Variants in ABCB9 observed in about 807,000 individuals in gnomAD.
The protein encoded by ABCB9 is ABC-type oligopeptide transporter ABCB9.
ABCB9 carries 36 observed loss-of-function variants against 62.0 expected under a neutral mutation model. The ratio of observed to expected loss-of-function variants is 0.58; its 90% confidence interval spans 0.45 to 0.77. ABCB9 has a LOEUF of 0.77. Among genes scored for constraint, ABCB9 ranks in the 30% least tolerant of loss-of-function variants. The probability of loss-of-function intolerance (pLI) is 0.00; values close to 1 mark genes in which losing one functional copy is unlikely to be tolerated. For synonymous variants in ABCB9, 435 were observed against 461.4 expected (o/e 0.94, Z 0.73); for missense variants, 943 against 1,054.7 (o/e 0.89, Z 1.47).
At chr12:122,961,722 G>A (rs896734178) in intron 1 of ABCB9, among the ~76,000 whole-genome samples, 1 of 152,152 alleles carries the variant, frequency 6.6e-6, no homozygotes, top group Admixed American at 6.5e-5. Flanking sequence ...TCCATAGTGA[G>A]GACGAAGCTG....
At chr12:122,931,211 G>A (rs1321798551) in intron 11 of ABCB9, 1 of 152,134 alleles carries the variant, frequency 6.6e-6, no homozygotes, top group Non-Finnish European at 1.5e-5. Flanking sequence ...TTTTAGTAGA[G>A]ATGGAATTTC....
At position 122,959,971 on chromosome 12, in the gene ABCB9, C is replaced by A. The variant is rs756858128; in HGVS notation, c.265G>T (p.Val89Leu). Residue 89 changes from valine to leucine, a missense_variant, in exon 2 of 12, where the codon GTG becomes TTG. Val to Leu is a conservative substitution (Grantham distance 32, BLOSUM62 1). Coordinates refer to ENST00000280560, the MANE Select transcript of ABCB9 (RefSeq NM_019625.4). The surrounding 1 kb of genome is among the most constrained non-coding windows in gnomAD (Gnocchi z 5.4). ...GCATAGATGCCCACGAAGAGGCACA[C>A]GAGGGTGATGACCAGCCACGAGGCC... The part of the protein sequence containing the change: ...LRASWLVITL[V>L]CLFVGIYAMV... 3 of 1,613,202 alleles carry A rather than the reference C, an allele frequency of 1.9e-6. No homozygotes were observed. Among genetic ancestry groups the A allele is most frequent in the South Asian group, 1.1e-5 (1 of 91,086 alleles).
Position 122,960,262 on chromosome 12 carries a change from T to C in ABCB9, c.-27A>G, listed in dbSNP as rs1292391711. 1.2e-6 allele frequency: 2 copies of C among 1,600,102 alleles called. No homozygotes were observed. The highest frequency in any genetic ancestry group is 3.4e-5 in the Admixed American group (2 of 59,424). On this transcript the variant is annotated 5_prime_UTR_variant, in exon 2 of 12. Coordinates refer to ENST00000280560, the MANE Select transcript of ABCB9 (RefSeq NM_019625.4). The stretch of plus-strand genomic sequence containing the variant: ...CTGCTGGTTGGAGGTGGGCGGGTGC[T>C]GAAGGCCAGGTTGTAGCTCACGGGG...
At chr12:122,927,671 G>T (rs947071897), downstream of ABCB9, among the ~76,000 whole-genome samples, 1 of 152,192 alleles carries the variant, frequency 6.6e-6, no homozygotes, top group Non-Finnish European at 1.5e-5. Flanking sequence ...AGGCAGATGG[G>T]AGAGGAGCTT....
intron 7 of ABCB9, among the ~76,000 whole-genome samples, chr12:122,941,449 C>A (rs2035759916): frequency 6.6e-6 from 1 of 151,680 alleles, no homozygotes; most frequent in Admixed American, 6.6e-5. Flanking sequence ...GCTGGGATTA[C>A]AGGTACTCGC....
At chr12:122,966,638 T>C (rs980220574), upstream of ABCB9, 1 of 146,946 alleles carries the variant, frequency 6.8e-6, no homozygotes. Flanking sequence ...AGCCTCCGGG[T>C]GGGGACGGGC....
At chr12:122,971,103 A>AT (rs538027024), upstream of ABCB9, among the ~76,000 whole-genome samples, 399 of 152,222 alleles carry the variant, frequency 2.6e-3, 1 homozygote, top group Non-Finnish European at 4.2e-3. Flanking sequence ...TGCCACATAC[A>AT]TTTGTCAAAA....
At chr12:122,935,537 T>C (rs2035418226) in intron 9 of ABCB9, 106 bp from the exon 10 acceptor site, 6 of 1,363,646 alleles carry the variant, frequency 4.4e-6, no homozygotes, top group Non-Finnish European at 6.0e-6. Context: ...GTCTCAGGCC[T>C]GAAACCTGAT....
Position 122,932,040 on chromosome 12 carries a change from C to T in ABCB9, c.2040+152G>A. ...CCAGAGTGGCTCCTGGCTCCCCACT[C>T]TCAACACCAGGAATTCACCAGCCCA... On this transcript the variant is annotated intron_variant, in intron 11 of 11. Coordinates refer to ENST00000280560, the MANE Select transcript of ABCB9 (RefSeq NM_019625.4). This position sits in a 1 kb window ranked among gnomAD's most constrained non-coding sequence, Gnocchi z 4.7. 1 of 1,399,626 alleles carries T rather than the reference C, an allele frequency of 7.1e-7. No homozygotes were observed. Among genetic ancestry groups the T allele is most frequent in the South Asian group, 1.3e-5 (1 of 77,694 alleles). The allele number at this position is 1,399,626 out of a possible 1,614,324, so 86.7% of individuals were successfully genotyped here. A position where few individuals can be genotyped will look rare whatever the true frequency, so the allele number is the denominator to read the frequency against.
At position 122,935,257 on chromosome 12, in the gene ABCB9, C is replaced by A. The variant is rs1364044933; in HGVS notation, c.1903+15G>T. On this transcript the variant is annotated intron_variant, in intron 10 of 11. Coordinates refer to ENST00000280560, the MANE Select transcript of ABCB9 (RefSeq NM_019625.4). ...CCCTGTGGGCCCAGGAGAGGGGCCACCCCCAGCTCCACACCTGTGCTGTAG... is the reference window on the plus strand; with the variant it reads ...CCCTGTGGGCCCAGGAGAGGGGCCAACCCCAGCTCCACACCTGTGCTGTAG... The A allele has an allele frequency of 4.4e-6, 7 of 1,593,928 alleles. No homozygotes were observed. Among genetic ancestry groups the A allele is most frequent in the African/African-American group, 4.0e-5 (3 of 74,362 alleles).
downstream of ABCB9, among the ~76,000 whole-genome samples, chr12:122,919,945 C>T (rs968656653): frequency 5.3e-5 from 8 of 149,774 alleles, no homozygotes; most frequent in African/African-American, 1.9e-4. Context: ...CTCACTCTGT[C>T]GTCCAGGCTG....
upstream of ABCB9, among the ~76,000 whole-genome samples, chr12:122,970,168 C>T (rs1447397644): frequency 6.6e-6 from 1 of 152,214 alleles, no homozygotes; most frequent in African/African-American, 2.4e-5. Context: ...CAACCTCCGC[C>T]TCCCGGGGTC....
downstream of ABCB9, among the ~76,000 whole-genome samples, chr12:122,920,200 T>G (rs1387152038): frequency 6.6e-6 from 1 of 151,996 alleles, no homozygotes; most frequent in Non-Finnish European, 1.5e-5. Context: ...GTTTAAATGG[T>G]CAACTTCCTC....
rs1594007451 is a variant in ABCB9, at chr12:122,940,364, GGTGCCCTTCCCAGCCCACCCCAT to G, written c.1570-103_1570-81del. 4.0e-6 allele frequency: 6 copies of G among 1,487,050 alleles called. No homozygotes were observed. The highest frequency in any genetic ancestry group is 2.5e-4 in the Middle Eastern group (1 of 3,944). 92.1% of individuals were successfully genotyped at this position (1,487,050 alleles called of 1,614,324 possible). A position where few individuals can be genotyped will look rare whatever the true frequency, so the allele number is the denominator to read the frequency against. On this transcript the variant is annotated intron_variant, in intron 8 of 11. Transcript: ENST00000280560. The surrounding 1 kb of genome is among the most constrained non-coding windows in gnomAD (Gnocchi z 4.8). The stretch of plus-strand genomic sequence containing the variant: ...GATGCCCTGACCTTGGACACAGGTG[GGTGCCCTTCCCAGCCCACCCCAT>G]GTGCCTCTCCCTCGCTTGGGCACTG...
At chr12:122,949,172 T>G in intron 4 of ABCB9, 3 of 207,748 alleles carry the variant, frequency 1.4e-5, no homozygotes. Context: ...GTAACTCCTC[T>G]TCCCTTCTAG....
chr12:122,966,839 C>T (rs2037197043), upstream of ABCB9, among the ~76,000 whole-genome samples: 1 of 152,244 alleles, frequency 6.6e-6, no homozygotes, highest in Non-Finnish European at 1.5e-5. Context: ...GAGGGACAGC[C>T]AGCCAGTCCA....
At chr12:122,966,758 G>C, upstream of ABCB9, among the ~76,000 whole-genome samples, 1 of 152,252 alleles carries the variant, frequency 6.6e-6, no homozygotes, top group East Asian at 1.9e-4. Flanking sequence ...CTGGAGCCAC[G>C]GGCCCATCCT....
chr12:122,951,240 CT>C (rs369469703), intron 2 of ABCB9, among the ~76,000 whole-genome samples: 1,624 of 135,802 alleles, frequency 0.012, 11 homozygotes, highest in African/African-American at 0.025. Flanking sequence ...AAATATTTTC[CT>C]TTTTTTTTTT....
chr12:122,921,158 T>C, intron 11 of ABCB9: 1 of 1,036,752 alleles, frequency 9.6e-7, no homozygotes. Flanking sequence ...GGCACACCTG[T>C]AATCCCAGCA....
Sources: gnomAD v4.1 joint callset for allele counts (sites outside exome capture counted in the v4.1 genomes callset) on GRCh38, gnomAD v4.1.1 for gene constraint, Gnocchi (gnomAD v3.1) non-coding constraint, MANE v1.5 for transcripts, NCBI Gene and HGNC (gene_info 2026-07-23, HGNC 2026-07-21) for gene names.